ZFYVE28: variants seen among roughly 807,000 people sequenced by gnomAD.
ZFYVE28 encodes the protein zinc finger FYVE-type containing 28.
In ZFYVE28, 40 loss-of-function variants were observed where a neutral mutation model predicts 82.1. That is an observed-to-expected ratio of 0.49 (90% CI 0.38 to 0.63). ZFYVE28 has a LOEUF of 0.63. Among genes scored for constraint, ZFYVE28 ranks in the 30% least tolerant of loss-of-function variants. ZFYVE28 has a pLI of 0.00. For missense variants in ZFYVE28, 1,321 were observed against 1,242.1 expected (o/e 1.06, Z -0.96); for synonymous variants, 612 against 546.1 (o/e 1.12, Z -1.68).
intron 6 of ZFYVE28, among the ~76,000 whole-genome samples, chr4:2,327,174 C>G (rs2108843195): frequency 6.7e-6 from 1 of 150,094 alleles, no homozygotes; most frequent in Middle Eastern, 3.4e-3. Context: ...CGCTTGAACC[C>G]AGTAGGTGGA....
Position 2,320,249 on chromosome 4 carries a change from C to A in ZFYVE28, c.724G>T (p.Gly242Ter), listed in dbSNP as rs1470962420. Residue 242 changes from glycine (G) to a stop codon, truncating the protein, a stop_gained, in exon 7 of 13, where the codon GGA becomes TGA. Coordinates refer to ENST00000290974, the MANE Select transcript of ZFYVE28 (RefSeq NM_020972.3). LOFTEE classifies it high-confidence loss of function. This position sits in a 1 kb window ranked among gnomAD's most constrained non-coding sequence, Gnocchi z 5.1. ...ACCTTGCGGTCCAAGTTCAGAGGTCCGTCCGCATAGACCACGAGGCCACTG... is the reference window on the plus strand; with the variant it reads ...ACCTTGCGGTCCAAGTTCAGAGGTCAGTCCGCATAGACCACGAGGCCACTG... Reference protein sequence around the residue: ...IVCGLVVYADGPLNLDRKVED... With the variant: ...IVCGLVVYAD 1.9e-6 allele frequency: 3 copies of A among 1,614,066 alleles called. No individual in the cohort carries two copies. The highest frequency in any genetic ancestry group is 2.5e-6 in the Non-Finnish European group (3 of 1,180,006).
intron 1 of ZFYVE28, among the ~76,000 whole-genome samples, chr4:2,412,045 C>G (rs1188503374): frequency 6.6e-6 from 1 of 152,200 alleles, no homozygotes; most frequent in Non-Finnish European, 1.5e-5. Flanking sequence ...AGCATCTCCC[C>G]CCTGGGGCGC....
intron 8 of ZFYVE28, among the ~76,000 whole-genome samples, chr4:2,303,935 C>T (rs1716045738): frequency 1.3e-5 from 2 of 152,246 alleles, no homozygotes; most frequent in South Asian, 2.1e-4. Context: ...CACTGCCCCG[C>T]ACAGGCACGC....
intron 6 of ZFYVE28, among the ~76,000 whole-genome samples, chr4:2,327,146 A>G (rs896492049): frequency 2.6e-5 from 4 of 151,198 alleles, no homozygotes; most frequent in Non-Finnish European, 5.9e-5. Flanking sequence ...GCTGCTCAGG[A>G]GGCTGAGGCA....
chr4:2,364,799 G>C, intron 1 of ZFYVE28: 4 of 985,562 alleles, frequency 4.1e-6, no homozygotes, highest in Non-Finnish European at 4.8e-6. Flanking sequence ...CCTCCGAGCG[G>C]GTGACTGGGA....
At chr4:2,338,168 A>ACCTCCGCACGTGGT (rs149370690) in intron 4 of ZFYVE28, among the ~76,000 whole-genome samples, 1 of 152,150 alleles carries the variant, frequency 6.6e-6, no homozygotes, top group African/African-American at 2.4e-5. Flanking sequence ...CCGCACGTGG[A>ACCTCCGCACGTGGT]CCTCCACAGC....
chr4:2,279,650 G>A (rs972245594), intron 8 of ZFYVE28, among the ~76,000 whole-genome samples: 29 of 151,826 alleles, frequency 1.9e-4, no homozygotes, highest in Admixed American at 1.3e-3. Flanking sequence ...GCATGGTGGC[G>A]GGCGCCTGTA....
intron 8 of ZFYVE28, among the ~76,000 whole-genome samples, chr4:2,277,299 G>A (rs1736555783): frequency 1.3e-5 from 2 of 152,116 alleles, no homozygotes; most frequent in Non-Finnish European, 2.9e-5. Context: ...GGGCAACACG[G>A]TGAAACCCCG....
chr4:2,370,393 C>T (rs559875647), intron 1 of ZFYVE28, among the ~76,000 whole-genome samples: 3 of 152,180 alleles, frequency 2.0e-5, no homozygotes, highest in African/African-American at 7.2e-5. Flanking sequence ...GCAGAGCTGG[C>T]CGAGCTGCCC....
chr4:2,416,986 C>G lies in ZFYVE28; in HGVS notation c.39+1299G>C, dbSNP rs1733118638. Among the ~76,000 whole-genome samples the G allele has an allele frequency of 1.3e-5, 2 of 152,252 alleles. No homozygotes were observed. The highest frequency in any genetic ancestry group is 4.1e-4 in the South Asian group (2 of 4,838). On this transcript the variant is annotated intron_variant, in intron 1 of 12. Transcript: ENST00000290974. This position sits in a 1 kb window ranked among gnomAD's most constrained non-coding sequence, Gnocchi z 4.6. The stretch of plus-strand genomic sequence containing the variant: ...CCGTGCCGATCTTCCAAACCCACCT[C>G]CCGCCTTCCTGGAATGGGCGCACGC...
At chr4:2,390,129 T>C (rs186978278) in intron 1 of ZFYVE28, among the ~76,000 whole-genome samples, 1 of 152,314 alleles carries the variant, frequency 6.6e-6, no homozygotes, top group East Asian at 1.9e-4. Flanking sequence ...ACAAGCGTCC[T>C]TCATAGAGAC....
At chr4:2,369,257 T>C (rs1727234063) in intron 1 of ZFYVE28, among the ~76,000 whole-genome samples, 1 of 152,208 alleles carries the variant, frequency 6.6e-6, no homozygotes, top group African/African-American at 2.4e-5. Context: ...CAGAGCAATC[T>C]AGGCCAGGCT....
intron 6 of ZFYVE28, among the ~76,000 whole-genome samples, chr4:2,326,406 G>A (rs1013436935): frequency 3.9e-5 from 6 of 152,098 alleles, no homozygotes; most frequent in African/African-American, 1.4e-4. Flanking sequence ...CTGTTGTTTT[G>A]TTTTTGCCAA....
chr4:2,305,007 C>A lies in ZFYVE28; in HGVS notation c.1333G>T (p.Ala445Ser). 1.2e-6 allele frequency: 2 copies of A among 1,612,778 alleles called. No individual in the cohort carries two copies. Among genetic ancestry groups the A allele is most frequent in the Non-Finnish European group, 1.7e-6 (2 of 1,179,906 alleles). The change falls in exon 8 of 13, where the codon GCG (alanine) becomes TCG (serine). Residue 445 changes from alanine to serine, a missense_variant. Physicochemically the swap from Ala to Ser is moderately conservative, Grantham distance 99. This residue lies in a region of ZFYVE28 where 978 missense variants were observed against 833.7 expected (regional missense o/e 1.17). Transcript: ENST00000290974. ...EKGQGGPGGA[A>S]GISLPASEKE... The stretch of plus-strand genomic sequence containing the variant: ...TCCGAGGCGGGCAAGCTGATCCCCG[C>A]CGCTCCGCCTGGCCCACCCTGCCCT...
chr4:2,361,922 G>A (rs376736720), intron 1 of ZFYVE28, among the ~76,000 whole-genome samples: 1 of 152,282 alleles, frequency 6.6e-6, no homozygotes, highest in South Asian at 2.1e-4. Flanking sequence ...TGGCGGGACA[G>A]ATGGGAGGAC....
intron 6 of ZFYVE28, chr4:2,328,864 AC>A (rs2108844884): frequency 2.7e-6 from 1 of 373,938 alleles, no homozygotes; most frequent in South Asian, 1.4e-4. Context: ...TGCTCCAGGA[AC>A]ATTCACTGAA....
At position 2,339,539 on chromosome 4, in the gene ZFYVE28, C is replaced by G. The variant is rs1250835520; in HGVS notation, c.435G>C (p.Gln145His). ...LEDVRGALRD[Q>H]ALRDLNTYTE... ...TGTAGGTGTTCAGGTCCCGCAGCGCCTGGTCACGGAGGGCGCCCCGCACGT... is the reference window on the plus strand; with the variant it reads ...TGTAGGTGTTCAGGTCCCGCAGCGCGTGGTCACGGAGGGCGCCCCGCACGT... Residue 145 changes from glutamine (Q) to histidine (H), a missense_variant, in exon 4 of 13, where the codon CAG (glutamine) becomes CAC (histidine). Transcript: ENST00000290974. The surrounding 1 kb of genome is among the most constrained non-coding windows in gnomAD (Gnocchi z 5.0). 6.2e-7 allele frequency: 1 copy of G among 1,613,762 alleles called. No individual in the cohort carries two copies.
At chr4:2,310,980 A>G (rs1255246335) in intron 7 of ZFYVE28, among the ~76,000 whole-genome samples, 1 of 152,138 alleles carries the variant, frequency 6.6e-6, no homozygotes, top group Non-Finnish European at 1.5e-5. Flanking sequence ...TTTAATAGAT[A>G]TTGGATTAAA....
intron 7 of ZFYVE28, among the ~76,000 whole-genome samples, chr4:2,313,145 A>C: frequency 6.7e-6 from 1 of 149,332 alleles, no homozygotes; most frequent in Admixed American, 6.7e-5. Flanking sequence ...TACCTGGCTC[A>C]CTAAAGTCAG....
Sources: gnomAD v4.1 joint callset for allele counts (sites outside exome capture counted in the v4.1 genomes callset) on GRCh38, gnomAD v4.1.1 for gene constraint, gnomAD v4.1.1 regional missense constraint, Gnocchi (gnomAD v3.1) non-coding constraint, MANE v1.5 for transcripts, NCBI Gene and HGNC (gene_info 2026-07-23, HGNC 2026-07-21) for gene names.